GDF2: variants seen among roughly 807,000 people sequenced by gnomAD.
GDF2 encodes growth/differentiation factor 2.
In GDF2, 17 loss-of-function variants were observed where a neutral mutation model predicts 16.9. That is an observed-to-expected ratio of 1.00 (90% CI 0.69 to 1.51). The LOEUF is 1.51. Among genes scored for constraint, GDF2 ranks in the 40% most tolerant of loss-of-function variants. GDF2 has a pLI of 0.00. For synonymous variants in GDF2, 276 were observed against 237.6 expected, an observed-to-expected ratio of 1.16 and a Z score of -1.49; for missense variants, 523 against 556.3, an observed-to-expected ratio of 0.94 and a Z score of 0.60.
rs1390945038 is a variant in GDF2 at position 47,327,239 on chromosome 10, A to C, written c.*1455A>C. ...AGAGTCTGAAAGTGGTGAAGAGTGC[A>C]CCTATGGCCCTCTGACCTCCAGCCA... On this transcript the variant is annotated 3_prime_UTR_variant, in exon 2 of 2. Transcript: ENST00000581492. 6.6e-6 allele frequency among the ~76,000 whole-genome samples: 1 copy of C among 152,050 alleles called. No individual in the cohort carries two copies. Among genetic ancestry groups the C allele is most frequent in the African/African-American group, 2.4e-5 (1 of 41,390 alleles).
At chr10:47,323,857 C>A (rs1174957218) in intron 1 of GDF2, among the ~76,000 whole-genome samples, 1 of 152,222 alleles carries the variant, frequency 6.6e-6, no homozygotes, top group Admixed American at 6.5e-5. Flanking sequence ...TGTCCAGGAG[C>A]ACAGAGCCTC....
In GDF2 at chr10:47,325,825, C is replaced by A; in HGVS notation, c.*41C>A. On this transcript the variant is annotated 3_prime_UTR_variant, in exon 2 of 2. Transcript: ENST00000581492. ...CTGGGGAGGCAGGCCAAAGGGGCTC[C>A]ACATGAGAGGTCCTGCATGCCCCTG... is the stretch of plus-strand genomic sequence containing the variant. 7.3e-7 allele frequency: 1 copy of A among 1,373,508 alleles called. No individual in the cohort carries two copies. Among genetic ancestry groups the A allele is most frequent in the South Asian group, 1.5e-5 (1 of 68,332 alleles). 85.1% of individuals were successfully genotyped at this position (1,373,508 alleles called of 1,614,324 possible). A position where few individuals can be genotyped will look rare whatever the true frequency, so the allele number is the denominator to read the frequency against.
rs931437101 is a variant in GDF2 at position 47,325,337 on chromosome 10, G to A, written c.843G>A (p.Glu281=). Reference sequence around the variant, plus strand: ...GGGAGATGATCAGCCATGAACAAGAGAGCGTGCTCAAGAAGCTGTCCAAGG... The same window carrying A: ...GGGAGATGATCAGCCATGAACAAGAAAGCGTGCTCAAGAAGCTGTCCAAGG... ...ELREMISHEQ[E]SVLKKLSKDG... is the part of the protein sequence containing the mutation. Residue 281 remains glutamate, a synonymous_variant, in exon 2 of 2, where the codon GAG becomes GAA. Transcript: ENST00000581492. 1.4e-5 allele frequency: 22 copies of A among 1,614,210 alleles called. No individual in the cohort carries two copies. The highest frequency in any genetic ancestry group is 1.7e-5 in the Non-Finnish European group (20 of 1,180,046).
Position 47,325,426 on chromosome 10 carries a change from G to C in GDF2, c.932G>C (p.Gly311Ala). The change falls in exon 2 of 2, where the codon GGG becomes GCG. Residue 311 changes from glycine (G) to alanine (A), a missense_variant. Physicochemically the swap from Gly to Ala is moderately conservative, Grantham distance 60. Coordinates refer to ENST00000581492, the MANE Select transcript of GDF2 (RefSeq NM_016204.4). ...EEDTDGHVAA[G>A]STLARRKRSA... ...GACACGGATGGCCACGTGGCTGCGG[G>C]GTCGACTTTAGCCAGGCGGAAAAGG... 6.2e-7 allele frequency: 1 copy of C among 1,613,926 alleles called. No individual in the cohort carries two copies. Among genetic ancestry groups the C allele is most frequent in the South Asian group, 1.1e-5 (1 of 91,082 alleles).
In GDF2 at chr10:47,327,044, A is replaced by T. The variant is rs1331934395; in HGVS notation, c.*1260A>T. Among the ~76,000 whole-genome samples, 1 of 152,164 alleles carries T rather than the reference A, an allele frequency of 6.6e-6. No homozygotes were observed. Among genetic ancestry groups the T allele is most frequent in the Non-Finnish European group, 1.5e-5 (1 of 68,032 alleles). On this transcript the variant is annotated 3_prime_UTR_variant, in exon 2 of 2. Coordinates refer to ENST00000581492, the MANE Select transcript of GDF2 (RefSeq NM_016204.4). The stretch of plus-strand genomic sequence containing the variant: ...ATCGGCTATCACTGGCTCTGCCTGC[A>T]TTTGCCGGCTCTCTTGAGTCACGTG...
At chr10:47,323,684 G>T (rs1420504410) in intron 1 of GDF2, among the ~76,000 whole-genome samples, 1 of 152,216 alleles carries the variant, frequency 6.6e-6, no homozygotes, top group African/African-American at 2.4e-5. Flanking sequence ...CATGATGCAG[G>T]GGAAATAAGT....
chr10:47,326,266 G>A lies in GDF2; in HGVS notation c.*482G>A, dbSNP rs536950355. 6.4e-6 allele frequency: 1 copy of A among 155,200 alleles called. No homozygotes were observed. Among genetic ancestry groups the A allele is most frequent in the South Asian group, 2.0e-4 (1 of 4,902 alleles). The allele number at this position is 155,200 out of a possible 1,614,324, so 9.6% of individuals were successfully genotyped here. On this transcript the variant is annotated 3_prime_UTR_variant, in exon 2 of 2. Transcript: ENST00000581492. ...TTGGAGGGGCATGGCTTCCAATTTA[G>A]AGACATAAAACACAGGCAGATCAAG...
At chr10:47,324,724 T>C (rs1209068282) in intron 1 of GDF2, 117 bp from the exon 2 acceptor site, 47 of 676,866 alleles carry the variant, frequency 6.9e-5, no homozygotes, top group Non-Finnish European at 1.2e-4. Context: ...CAAATAGAGA[T>C]AATACAGACC....
chr10:47,322,781 A>G lies in GDF2; in HGVS notation c.113A>G (p.His38Arg), dbSNP rs782492970. The change falls in exon 1 of 2, where the codon CAC (histidine) becomes CGC (arginine). Residue 38 changes from histidine (H) to arginine (R), a missense_variant. Coordinates refer to ENST00000581492, the MANE Select transcript of GDF2 (RefSeq NM_016204.4). The stretch of plus-strand genomic sequence containing the variant: ...CGAGGGTCTGCTGGGGGAAACGCCC[A>G]CAGCCCACTGGGGGTGCCTGGAGGT... ...WGRGSAGGNA[H>R]SPLGVPGGGL... 1.2e-6 allele frequency: 2 copies of G among 1,613,132 alleles called. No individual in the cohort carries two copies. Among genetic ancestry groups the G allele is most frequent in the Non-Finnish European group, 1.7e-6 (2 of 1,179,454 alleles).
rs782687950 is a variant in GDF2 at position 47,322,977 on chromosome 10, G to A, written c.309G>A (p.Thr103=). The A allele has an allele frequency of 1.7e-5, 27 of 1,606,650 alleles. No homozygotes were observed. Among genetic ancestry groups the A allele is most frequent in the East Asian group, 2.2e-5 (1 of 44,608 alleles). ...YNRYTSDKST[T]PASNIVRSFS... ...GGTACACGTCCGATAAGTCGACTAC[G>A]CCAGCGTCCAACATTGTGCGGAGCT... is the stretch of plus-strand genomic sequence containing the variant. Residue 103 remains threonine (T), a synonymous_variant, in exon 1 of 2, where the codon ACG becomes ACA. Coordinates refer to ENST00000581492, the MANE Select transcript of GDF2 (RefSeq NM_016204.4).
chr10:47,323,723 G>C (rs565465623), intron 1 of GDF2, among the ~76,000 whole-genome samples: 1 of 152,340 alleles, frequency 6.6e-6, no homozygotes, highest in South Asian at 2.1e-4. Flanking sequence ...TTCAGTCAAA[G>C]CTTGCAGCCA....
In GDF2 at chr10:47,325,140, C is replaced by A; in HGVS notation, c.646C>A (p.Arg216=). 5 of 1,613,864 alleles carry A rather than the reference C, an allele frequency of 3.1e-6. 1 individual carries two copies. In the South Asian group the frequency reaches 5.5e-5, roughly 18 times the overall value. ...GTCCAGCGCCGTGAAGCGCTGGGTC[C>A]GGTCCGACTCCACCAAGAGCAAAAA... ...EVSSAVKRWV[R]SDSTKSKNKL... The change falls in exon 2 of 2, where the codon CGG becomes AGG. Residue 216 remains arginine, a synonymous_variant. Coordinates refer to ENST00000581492, the MANE Select transcript of GDF2 (RefSeq NM_016204.4).
Position 47,322,731 on chromosome 10 carries a change from G to T in GDF2, c.63G>T (p.Gln21His). The change falls in exon 1 of 2, where the codon CAG becomes CAT. Residue 21 changes from glutamine (Q) to histidine (H), a missense_variant. Gln to His is a conservative substitution (Grantham distance 24). Coordinates refer to ENST00000581492, the MANE Select transcript of GDF2 (RefSeq NM_016204.4). ...TGTCCCTGCTGGCTGGCTCCCTACA[G>T]GGGAAGCCACTGCAGAGCTGGGGAC... is the stretch of plus-strand genomic sequence containing the variant. Reference protein sequence around the residue: ...PLLSLLAGSLQGKPLQSWGRG... With the variant: ...PLLSLLAGSLHGKPLQSWGRG... 4 of 1,606,024 alleles carry T rather than the reference G, an allele frequency of 2.5e-6. No homozygotes were observed. The highest frequency in any genetic ancestry group is 3.4e-6 in the Non-Finnish European group (4 of 1,174,944).
chr10:47,324,732 A>G (rs2061097712), intron 1 of GDF2, 109 bp from the exon 2 acceptor site: 6 of 718,030 alleles, frequency 8.4e-6, no homozygotes, highest in Admixed American at 7.4e-5. Flanking sequence ...GATAATACAG[A>G]CCAAAATTGT....
Position 47,326,678 on chromosome 10 carries a change from G to T in GDF2, c.*894G>T, listed in dbSNP as rs918975309. On this transcript the variant is annotated 3_prime_UTR_variant, in exon 2 of 2. Coordinates refer to ENST00000581492, the MANE Select transcript of GDF2 (RefSeq NM_016204.4). ...TGACCCCCTGGTGCAGTGCTCCCAC[G>T]GCCAGTGGTGCACACAGGGCCATTC... Among the ~76,000 whole-genome samples, 3 of 152,214 alleles carry T rather than the reference G, an allele frequency of 2.0e-5. No homozygotes were observed. Among genetic ancestry groups the T allele is most frequent in the Non-Finnish European group, 2.9e-5 (2 of 68,016 alleles).
rs1043310922 is a variant in GDF2 at position 47,326,059 on chromosome 10, T to A, written c.*275T>A. 2 of 362,154 alleles carry A rather than the reference T, an allele frequency of 5.5e-6. No homozygotes were observed. Among genetic ancestry groups the A allele is most frequent in the African/African-American group, 4.1e-5 (2 of 48,738 alleles). The allele number at this position is 362,154 out of a possible 1,614,324, so 22.4% of individuals were successfully genotyped here. Reference sequence around the variant, plus strand: ...GAAAAGGAGACAGGGGGAAAAATAATCCATAGTCAGCAGAAAACAACAGCA... The same window carrying A: ...GAAAAGGAGACAGGGGGAAAAATAAACCATAGTCAGCAGAAAACAACAGCA... On this transcript the variant is annotated 3_prime_UTR_variant, in exon 2 of 2. Transcript: ENST00000581492.
intron 1 of GDF2, among the ~76,000 whole-genome samples, chr10:47,323,645 G>A (rs928184106): frequency 2.0e-5 from 3 of 152,204 alleles, no homozygotes; most frequent in African/African-American, 7.2e-5. Flanking sequence ...CACGGACCTA[G>A]GACCTATGTC....
chr10:47,324,823 C>A lies in GDF2; in HGVS notation c.347-18C>A, dbSNP rs374265767. On this transcript the variant is annotated intron_variant, in intron 1 of 1. Transcript: ENST00000581492. ...CAGACCCTCCAGCAGATGCCCACCACGTGTGTTTGCATTTCAGATGCCATC... is the reference window on the plus strand; with the variant it reads ...CAGACCCTCCAGCAGATGCCCACCAAGTGTGTTTGCATTTCAGATGCCATC... The A allele has an allele frequency of 1.9e-6, 3 of 1,561,496 alleles. No homozygotes were observed. Among genetic ancestry groups the A allele is most frequent in the Non-Finnish European group, 2.6e-6 (3 of 1,135,446 alleles).
rs1555208945 is a variant in GDF2, at chr10:47,325,218, A to G, written c.724A>G (p.Ile242Val). The G allele has an allele frequency of 5.6e-6, 9 of 1,613,992 alleles. No homozygotes were observed. The Admixed American group carries it at 1.2e-4, about 21-fold the overall frequency. The change falls in exon 2 of 2, where the codon ATC becomes GTC. Residue 242 changes from isoleucine (I) to valine (V), a missense_variant. Physicochemically the swap from Ile to Val is conservative, Grantham distance 29. Coordinates refer to ENST00000581492, the MANE Select transcript of GDF2 (RefSeq NM_016204.4). ...SHRKGCDTLD[I>V]SVPPGSRNLP... ...CAGGAAGGGCTGCGACACGCTGGAC[A>G]TCAGTGTCCCCCCAGGTTCCAGAAA...
Sources: allele counts gnomAD v4.1 joint callset (sites outside exome capture counted in the v4.1 genomes callset), GRCh38; gene constraint gnomAD v4.1.1; transcripts MANE v1.5; gene names NCBI Gene and HGNC (gene_info 2026-07-23, HGNC 2026-07-21).